The following PTPRU variants were observed in gnomAD, a reference collection of about 807,000 sequenced individuals.
PTPRU encodes protein tyrosine phosphatase receptor type U.
PTPRU carries 69 observed loss-of-function variants against 166.3 expected under a neutral mutation model. The ratio of observed to expected loss-of-function variants is 0.41; its 90% CI spans 0.34 to 0.51. The LOEUF is 0.51. PTPRU is among the 20% of genes least tolerant of loss of function. PTPRU has a pLI of 0.09. For missense variants in PTPRU, 1,657 were observed against 2,013.7 expected, an observed-to-expected ratio of 0.82 and a Z score of 3.39; for synonymous variants, 793 against 814.0, an observed-to-expected ratio of 0.97 and a Z score of 0.44.
chr1:29,285,991 A>G (rs182910486), intron 14 of PTPRU, among the ~76,000 whole-genome samples: 3 of 152,352 alleles, frequency 2.0e-5, no homozygotes, highest in Non-Finnish European at 2.9e-5. Flanking sequence ...TCTGGCTTCT[A>G]TAGCCCCTAC....
At position 29,311,637 on chromosome 1, in the gene PTPRU, C is replaced by T. The variant is rs765973078; in HGVS notation, c.2956-6C>T. ...CCCACTGAGTCCCGTCCTGTGGGGC[C>T]TCTAGGTGAAATGCTCACGGTACTG... On this transcript the variant is annotated splice_polypyrimidine_tract_variant and splice_region_variant and intron_variant, in intron 20 of 29. Transcript: ENST00000373779. This position sits in a 1 kb window ranked among gnomAD's most constrained non-coding sequence, Gnocchi z 4.1. The T allele has an allele frequency of 1.9e-6, 3 of 1,614,090 alleles. No homozygotes were observed. The highest frequency in any genetic ancestry group is 1.7e-6 in the Non-Finnish European group (2 of 1,179,920).
At chr1:29,298,287 A>G (rs985904285) in intron 15 of PTPRU, among the ~76,000 whole-genome samples, 1 of 151,774 alleles carries the variant, frequency 6.6e-6, no homozygotes, top group African/African-American at 2.4e-5. Context: ...AAAAAAAAAA[A>G]AACCAAAACG....
intron 1 of PTPRU, among the ~76,000 whole-genome samples, chr1:29,246,967 T>G (rs1284033901): frequency 6.6e-6 from 1 of 152,158 alleles, no homozygotes; most frequent in African/African-American, 2.4e-5. Flanking sequence ...TACCCATGCC[T>G]CGAGTCTGCA....
In PTPRU at chr1:29,279,134, C is replaced by A. The variant is rs72651203; in HGVS notation, c.1563+13C>A. ...CACCCAGTATGAGGTGGGTTTGGGA[C>A]CCTATTACAGTGGGGGACCCTGGTG... On this transcript the variant is annotated intron_variant, in intron 9 of 29. Transcript: ENST00000373779. The surrounding 1 kb of genome is among the most constrained non-coding windows in gnomAD (Gnocchi z 5.2). 1.9e-6 allele frequency: 3 copies of A among 1,549,428 alleles called. No individual in the cohort carries two copies. Among genetic ancestry groups the A allele is most frequent in the African/African-American group, 2.7e-5 (2 of 73,174 alleles).
chr1:29,245,346 G>A (rs1684247983), intron 1 of PTPRU, among the ~76,000 whole-genome samples: 1 of 152,132 alleles, frequency 6.6e-6, no homozygotes, highest in Non-Finnish European at 1.5e-5. Flanking sequence ...TGAGATTTCG[G>A]CCCCCAACTT....
chr1:29,298,616 C>T (rs998788381), intron 15 of PTPRU, among the ~76,000 whole-genome samples: 5 of 152,182 alleles, frequency 3.3e-5, no homozygotes, highest in East Asian at 1.9e-4. Flanking sequence ...GGGCCTTGTA[C>T]GTCTGGAGCT....
At position 29,320,880 on chromosome 1, in the gene PTPRU, A is replaced by T. The variant is rs185091833; in HGVS notation, c.3828+55A>T. 542 of 1,457,020 alleles carry T rather than the reference A, an allele frequency of 3.7e-4. 6 individuals are homozygous for T. In the African/African-American group the frequency reaches 7.0e-3, roughly 19 times the overall value. The allele number at this position is 1,457,020 out of a possible 1,614,324, so 90.3% of individuals were successfully genotyped here. On this transcript the variant is annotated intron_variant, in intron 26 of 29. Transcript: ENST00000373779. This position sits in a 1 kb window ranked among gnomAD's most constrained non-coding sequence, Gnocchi z 5.2. ...CCGCCTGCTCCCAGGTCCTCTGTGT[A>T]TTCAGGGCCATGGTCCCCAAAGCCA... is the stretch of plus-strand genomic sequence containing the variant.
chr1:29,270,362 A>G (rs1411632501), intron 7 of PTPRU, among the ~76,000 whole-genome samples: 1 of 152,108 alleles, frequency 6.6e-6, no homozygotes, highest in African/African-American at 2.4e-5. Context: ...GCTGGAGTGC[A>G]GTGGCATGAT....
chr1:29,316,786 A>AT (rs1330670659), intron 24 of PTPRU, among the ~76,000 whole-genome samples: 3 of 152,124 alleles, frequency 2.0e-5, no homozygotes, highest in Non-Finnish European at 4.4e-5. Context: ...TCAGACTTTC[A>AT]TGTTCCCATC....
intron 26 of PTPRU, chr1:29,323,078 TTAA>T: frequency 2.9e-6 from 1 of 344,554 alleles, no homozygotes; most frequent in Non-Finnish European, 5.6e-6. Context: ...TGTGAACCGG[TTAA>T]GGTGTAGCTT....
rs537523993 is a variant in PTPRU, at chr1:29,315,482, G to A, written c.3338G>A (p.Arg1113Gln). ...AACTGTGTGAAGACTCTCTGCTCCCGGCGTGTCAACATGATCCAGACTGAG... is the reference window on the plus strand; with the variant it reads ...AACTGTGTGAAGACTCTCTGCTCCCAGCGTGTCAACATGATCCAGACTGAG... ...IYNCVKTLCSRRVNMIQTEEQ... is the reference protein window; with the variant it reads ...IYNCVKTLCSQRVNMIQTEEQ... The change falls in exon 23 of 30, where the codon CGG becomes CAG. Residue 1113 changes from arginine (R) to glutamine (Q), a missense_variant. Coordinates refer to ENST00000373779, the MANE Select transcript of PTPRU (RefSeq NM_133178.4). This position sits in a 1 kb window ranked among gnomAD's most constrained non-coding sequence, Gnocchi z 4.5. The A allele has an allele frequency of 3.5e-5, 57 of 1,614,194 alleles. No homozygotes were observed. The highest frequency in any genetic ancestry group is 8.0e-5 in the African/African-American group (6 of 75,040).
chr1:29,312,800 C>T, intron 22 of PTPRU, 94 bp downstream of exon 22: 2 of 1,434,234 alleles, frequency 1.4e-6, no homozygotes, highest in African/African-American at 1.4e-5. Flanking sequence ...TAGTGGGGAC[C>T]AGGCCTGGGT....
chr1:29,291,734 G>A lies in PTPRU; in HGVS notation c.2319-135G>A. ...GTGAAGGATGGGGGCAGAGCCCTCA[G>A]CATCCAGAGATGCTTCTAGGACAGC... On this transcript the variant is annotated intron_variant, in intron 14 of 29. Transcript: ENST00000373779. The surrounding 1 kb of genome is among the most constrained non-coding windows in gnomAD (Gnocchi z 4.1). 1.1e-6 allele frequency: 1 copy of A among 912,460 alleles called. No homozygotes were observed. The highest frequency in any genetic ancestry group is 1.7e-6 in the Non-Finnish European group (1 of 600,904). The allele number at this position is 912,460 out of a possible 1,614,324, so 56.5% of individuals were successfully genotyped here.
At position 29,238,670 on chromosome 1, in the gene PTPRU, C is replaced by T. The variant is rs1268746152; in HGVS notation, c.73+1953C>T. ...CCCGTTCCCGAAAGGACGCCCAAGG[C>T]GACCTCCCACCCCATCCTCCCCAAC... On this transcript the variant is annotated intron_variant, in intron 1 of 29. Coordinates refer to ENST00000373779, the MANE Select transcript of PTPRU (RefSeq NM_133178.4). The surrounding 1 kb of genome is among the most constrained non-coding windows in gnomAD (Gnocchi z 6.1). 6.6e-6 allele frequency among the ~76,000 whole-genome samples: 1 copy of T among 152,162 alleles called. No homozygotes were observed. The highest frequency in any genetic ancestry group is 1.9e-4 in the East Asian group (1 of 5,184).
intron 7 of PTPRU, among the ~76,000 whole-genome samples, chr1:29,264,525 G>A (rs929998240): frequency 6.8e-6 from 1 of 147,538 alleles, no homozygotes; most frequent in African/African-American, 2.5e-5. Context: ...TTTTTTTTGA[G>A]ACAGAGTTTC....
chr1:29,275,396 C>T (rs1685746329), intron 7 of PTPRU, 52 bp from the exon 8 acceptor site: 2 of 1,501,798 alleles, frequency 1.3e-6, no homozygotes, highest in East Asian at 4.6e-5. Context: ...TCTTCTTCCT[C>T]TTCTCTTCCC....
chr1:29,241,441 T>C (rs1350861906), intron 1 of PTPRU, among the ~76,000 whole-genome samples: 2 of 151,794 alleles, frequency 1.3e-5, no homozygotes, highest in African/African-American at 4.8e-5. Flanking sequence ...GGTGCCTGAG[T>C]GTCTGGTTGT....
intron 15 of PTPRU, among the ~76,000 whole-genome samples, chr1:29,301,299 A>G (rs1687122145): frequency 6.6e-6 from 1 of 152,216 alleles, no homozygotes; most frequent in South Asian, 2.1e-4. Flanking sequence ...AAAAACTCCT[A>G]TGACCTAGTG....
At chr1:29,289,667 CTT>C (rs1176631296) in intron 14 of PTPRU, 6 of 1,613,926 alleles carry the variant, frequency 3.7e-6, no homozygotes, top group Non-Finnish European at 4.2e-6. Context: ...GCTGTTCTCT[CTT>C]TGCACGCTGC....
Sources: allele counts gnomAD v4.1 joint callset (sites outside exome capture counted in the v4.1 genomes callset), GRCh38; gene constraint gnomAD v4.1.1; non-coding constraint Gnocchi (gnomAD v3.1); transcripts MANE v1.5; gene names NCBI Gene and HGNC (gene_info 2026-07-23, HGNC 2026-07-21).